Variants in IGFLR1 observed in about 807,000 individuals in gnomAD.
IGFLR1 encodes IGF like family receptor 1.
A neutral mutation model predicts 23.4 loss-of-function variants in IGFLR1; 17 were observed. That is an observed-to-expected ratio of 0.73 (90% CI 0.50 to 1.09). The LOEUF (loss-of-function observed/expected upper bound fraction) is 1.09, where lower values mean the gene tolerates loss of function less well. IGFLR1 is among the 50% of genes least tolerant of loss of function. IGFLR1 has a pLI of 0.00. For missense variants in IGFLR1, 556 were observed against 459.2 expected, an observed-to-expected ratio of 1.21 and a Z score of -1.93; for synonymous variants, 265 against 210.7, an observed-to-expected ratio of 1.26 and a Z score of -2.23.
At position 35,739,918 on chromosome 19, in the gene IGFLR1, C is replaced by G; in HGVS notation, c.513G>C (p.Leu171=). Residue 171 remains leucine, a synonymous_variant, in exon 4 of 5, where the codon CTG becomes CTC. Transcript: ENST00000246532. ...GGAGGATCGCTATCACCGCCAAGGT[C>G]AGGAGCAGGACCAGCACCACGAGCG... The part of the protein sequence containing the change: ...FLPLVVLVLL[L]TLAVIAILLF... 6.2e-7 allele frequency: 1 copy of G among 1,614,172 alleles called. No individual in the cohort carries two copies. Among genetic ancestry groups the G allele is most frequent in the East Asian group, 2.2e-5 (1 of 44,856 alleles).
Position 35,739,712 on chromosome 19 carries a change from C to T in IGFLR1, c.719G>A (p.Arg240Lys). ...CCCGGGGCTCCTCCAGGACTAACCC[C>T]TGCTCAGGAGTGGAAGTAGTGAGGC... Reference protein sequence around the residue: ...KEASLLPLLSRELSSLASQPL... With the variant: ...KEASLLPLLSKELSSLASQPL... The change falls in exon 4 of 5, where the codon AGG becomes AAG. Residue 240 changes from arginine to lysine, a missense_variant and splice_region_variant. Transcript: ENST00000246532. 1.3e-6 allele frequency: 2 copies of T among 1,553,698 alleles called. No homozygotes were observed. The highest frequency in any genetic ancestry group is 1.7e-4 in the Middle Eastern group (1 of 5,754).
In IGFLR1 at chr19:35,739,436, C is replaced by A. The variant is rs757546035; in HGVS notation, c.912G>T (p.Pro304=). 3 of 1,613,816 alleles carry A rather than the reference C, an allele frequency of 1.9e-6. No individual in the cohort carries two copies. The highest frequency in any genetic ancestry group is 2.7e-5 in the African/African-American group (2 of 74,932). Residue 304 remains proline (P), a synonymous_variant, in exon 5 of 5, where the codon CCG becomes CCT. Coordinates refer to ENST00000246532, the MANE Select transcript of IGFLR1 (RefSeq NM_024660.4). ...AWSTFAYSLR[P]SRSPLRALIE... Reference sequence around the variant, plus strand: ...TCAGAGCCCGCAGCGGCGAGCGACTCGGCCTCAGCGAATAGGCAAAGGTGG... The same window carrying A: ...TCAGAGCCCGCAGCGGCGAGCGACTAGGCCTCAGCGAATAGGCAAAGGTGG...
In IGFLR1 at chr19:35,740,083, C is replaced by T. The variant is rs1245584315; in HGVS notation, c.348G>A (p.Pro116=). 2.5e-6 allele frequency: 4 copies of T among 1,610,702 alleles called. No individual in the cohort carries two copies. The highest frequency in any genetic ancestry group is 2.5e-6 in the Non-Finnish European group (3 of 1,178,994). Residue 116 remains proline (P), a synonymous_variant, in exon 4 of 5, where the codon CCG becomes CCA. Transcript: ENST00000246532. Reference sequence around the variant, plus strand: ...GGGGGCAGTGCCCCTTGGCAGGGACCGGCCTCTGGGGATAAGGGGTTGGAG... The same window carrying T: ...GGGGGCAGTGCCCCTTGGCAGGGACTGGCCTCTGGGGATAAGGGGTTGGAG... ...GRTPWRCRER[P]VPAKGHCPLT...
chr19:35,739,691 G>C lies in IGFLR1; in HGVS notation c.721+19C>G, dbSNP rs1212869909. 6.4e-7 allele frequency: 1 copy of C among 1,560,578 alleles called. No homozygotes were observed. Among genetic ancestry groups the C allele is most frequent in the East Asian group, 2.3e-5 (1 of 44,324 alleles). ...CGTCCAGTCCACCTTCCCTGCCCCG[G>C]GGCTCCTCCAGGACTAACCCCTGCT... is the stretch of plus-strand genomic sequence containing the variant. On this transcript the variant is annotated intron_variant, in intron 4 of 4. Transcript: ENST00000246532.
Position 35,740,421 on chromosome 19 carries a change from G to C in IGFLR1, c.301C>G (p.Pro101Ala), listed in dbSNP as rs1970145313. The change falls in exon 3 of 5, where the codon CCC (proline) becomes GCC (alanine). Residue 101 changes from proline to alanine, a missense_variant. By Grantham distance (27) the Pro-to-Ala change is conservative (BLOSUM62 -1). Coordinates refer to ENST00000246532, the MANE Select transcript of IGFLR1 (RefSeq NM_024660.4). ...PCGGGAVTPTPAAGGGRTPWR... is the reference protein window; with the variant it reads ...PCGGGAVTPTAAAGGGRTPWR... ...GGGGTTCTGCCCCCGCCCGCGGCGG[G>C]AGTAGGGGTCACGGCTCCGCCGCCG... The C allele has an allele frequency of 6.2e-7, 1 of 1,610,224 alleles. No homozygotes were observed. Among genetic ancestry groups the C allele is most frequent in the Non-Finnish European group, 8.5e-7 (1 of 1,178,622 alleles).
Position 35,742,423 on chromosome 19 carries a change from C to G in IGFLR1, c.-71G>C. On this transcript the variant is annotated 5_prime_UTR_variant, in exon 1 of 5. Transcript: ENST00000246532. ...TTAGGGTCCTGGGTCCCAAGCTGGC[C>G]GTGCCAAGTTCCTCAGCTGAAGTTG... is the stretch of plus-strand genomic sequence containing the variant. The G allele has an allele frequency of 2.6e-6, 4 of 1,534,806 alleles. No individual in the cohort carries two copies. The highest frequency in any genetic ancestry group is 2.4e-5 in the South Asian group (2 of 83,284).
In IGFLR1 at chr19:35,741,903, G is replaced by C. The variant is rs151317327; in HGVS notation, c.-44+493C>G. On this transcript the variant is annotated intron_variant, in intron 1 of 4. Transcript: ENST00000246532. Reference sequence around the variant, plus strand: ...CAGGTGGGTGGATCACCTGAGGTCAGTAGTTCAAAACCAGCCTGGCCTACA... The same window carrying C: ...CAGGTGGGTGGATCACCTGAGGTCACTAGTTCAAAACCAGCCTGGCCTACA... 3.3e-3 allele frequency among the ~76,000 whole-genome samples: 502 copies of C among 152,250 alleles called. 2 individuals carry two copies. The highest frequency in any genetic ancestry group is 0.011 in the African/African-American group (475 of 41,554).
intron 1 of IGFLR1, among the ~76,000 whole-genome samples, chr19:35,741,993 T>C (rs967277130): frequency 2.0e-5 from 3 of 151,996 alleles, no homozygotes; most frequent in South Asian, 2.1e-4. Flanking sequence ...TGCCTGTAAA[T>C]CCCAGCTACT....
In IGFLR1 at chr19:35,738,991, C is replaced by A; in HGVS notation, c.*289G>T. The A allele has an allele frequency of 2.1e-6, 1 of 478,830 alleles. No homozygotes were observed. 29.7% of individuals were successfully genotyped at this position (478,830 alleles called of 1,614,324 possible). On this transcript the variant is annotated 3_prime_UTR_variant, in exon 5 of 5. Coordinates refer to ENST00000246532, the MANE Select transcript of IGFLR1 (RefSeq NM_024660.4). The surrounding 1 kb of genome is among the most constrained non-coding windows in gnomAD (Gnocchi z 8.7). ...AGCCTCAACAGGTAGGTGAGGCCAT[C>A]ATTCAGAATTAGAAGTCAGTCATGG...
intron 1 of IGFLR1, among the ~76,000 whole-genome samples, chr19:35,742,184 T>C (rs1024264281): frequency 1.3e-5 from 2 of 152,134 alleles, no homozygotes; most frequent in Non-Finnish European, 2.9e-5. Context: ...TGTAAGGCAT[T>C]ACTAACTCCC....
rs1340500458 is a variant in IGFLR1, at chr19:35,742,381, C to G, written c.-44+15G>C. The G allele has an allele frequency of 6.6e-7, 1 of 1,520,816 alleles. No individual in the cohort carries two copies. Among genetic ancestry groups the G allele is most frequent in the Admixed American group, 2.0e-5 (1 of 49,692 alleles). The allele number at this position is 1,520,816 out of a possible 1,614,324, so 94.2% of individuals were successfully genotyped here. On this transcript the variant is annotated intron_variant, in intron 1 of 4. Coordinates refer to ENST00000246532, the MANE Select transcript of IGFLR1 (RefSeq NM_024660.4). The stretch of plus-strand genomic sequence containing the variant: ...TAAGGTTTTCAGCACAAAGGTGTCC[C>G]CACCCTACCAGTACCGTTAGGGTCC...
rs968082546 is a variant in IGFLR1, at chr19:35,740,534, T to C, written c.188A>G (p.Asn63Ser). Residue 63 changes from asparagine (N) to serine (S), a missense_variant, in exon 3 of 5, where the codon AAT becomes AGT. By Grantham distance (46) the Asn-to-Ser change is conservative. Coordinates refer to ENST00000246532, the MANE Select transcript of IGFLR1 (RefSeq NM_024660.4). The part of the protein sequence containing the change: ...DYEFRENCGL[N>S]DHGDFVTPPF... ...GGGCGTTACGAAATCGCCGTGGTCA[T>C]TGAGTCCGCAGTTTTCCCGGAACTC... is the stretch of plus-strand genomic sequence containing the variant. The C allele has an allele frequency of 6.2e-7, 1 of 1,610,912 alleles. No homozygotes were observed. The highest frequency in any genetic ancestry group is 8.5e-7 in the Non-Finnish European group (1 of 1,179,000).
At chr19:35,741,247 CAGA>C (rs756338276) in intron 1 of IGFLR1, 24 bp from the exon 2 acceptor site, 48 of 1,584,392 alleles carry the variant, frequency 3.0e-5, no homozygotes, top group South Asian at 5.7e-5. Context: ...GGAAATCGGG[CAGA>C]AGAAAGGACG....
chr19:35,739,756 T>C lies in IGFLR1; in HGVS notation c.675A>G (p.Thr225=), dbSNP rs1264110460. 5.1e-6 allele frequency: 8 copies of C among 1,555,262 alleles called. No individual in the cohort carries two copies. The highest frequency in any genetic ancestry group is 7.0e-6 in the Non-Finnish European group (8 of 1,147,652). Residue 225 remains threonine, a synonymous_variant, in exon 4 of 5, where the codon ACA becomes ACG. Coordinates refer to ENST00000246532, the MANE Select transcript of IGFLR1 (RefSeq NM_024660.4). ...GTGAGGCCTCCTTCCATGTGTCCCC[T>C]GTCTCCAGGGCGCCTGGGGAGGACA... ...SHLSSPGALE[T]GDTWKEASLL... is the part of the protein sequence containing the mutation.
chr19:35,741,859 C>G (rs1440754509), intron 1 of IGFLR1, among the ~76,000 whole-genome samples: 1 of 151,776 alleles, frequency 6.6e-6, no homozygotes. Flanking sequence ...TGCCTGTAAT[C>G]CCAACACTTT....
At position 35,740,815 on chromosome 19, in the gene IGFLR1, C is replaced by T. The variant is rs1182819950; in HGVS notation, c.157+209G>A. The T allele has an allele frequency of 9.3e-6, 6 of 644,232 alleles. No homozygotes were observed. The African/African-American group carries it at 1.1e-4, about 12-fold the overall frequency. The allele number at this position is 644,232 out of a possible 1,614,324, so 39.9% of individuals were successfully genotyped here. On this transcript the variant is annotated intron_variant, in intron 2 of 4. Transcript: ENST00000246532. ...CCTTTCCACGCGGCCCCTATCCCGCCTCTCCAGCCATATCCATTCGCTGTT... is the reference window on the plus strand; with the variant it reads ...CCTTTCCACGCGGCCCCTATCCCGCTTCTCCAGCCATATCCATTCGCTGTT...
chr19:35,740,591 G>T, intron 2 of IGFLR1, 27 bp from the exon 3 acceptor site: 1 of 1,577,002 alleles, frequency 6.3e-7, no homozygotes, highest in Non-Finnish European at 8.6e-7. Context: ...GCTCCAGTGC[G>T]GCCGCCTAGC....
chr19:35,741,080 G>A lies in IGFLR1; in HGVS notation c.101C>T (p.Pro34Leu). The A allele has an allele frequency of 6.2e-7, 1 of 1,606,944 alleles. No individual in the cohort carries two copies. Among genetic ancestry groups the A allele is most frequent in the Non-Finnish European group, 8.5e-7 (1 of 1,175,698 alleles). ...QYCGRLEYWN[P>L]DNKCCSSCLQ... ...GCAGCTGCTGCAGCACTTGTTGTCTGGGTTCCAGTATTCAAGGCGGCCGCA... is the reference window on the plus strand; with the variant it reads ...GCAGCTGCTGCAGCACTTGTTGTCTAGGTTCCAGTATTCAAGGCGGCCGCA... The change falls in exon 2 of 5, where the codon CCA becomes CTA. Residue 34 changes from proline to leucine, a missense_variant. Pro to Leu is a moderately conservative substitution (Grantham distance 98, BLOSUM62 -3). Coordinates refer to ENST00000246532, the MANE Select transcript of IGFLR1 (RefSeq NM_024660.4).
rs974889814 is a variant in IGFLR1 at position 35,739,039 on chromosome 19, A to G, written c.*241T>C. 3.3e-4 allele frequency: 187 copies of G among 560,360 alleles called. 2 individuals carry two copies. In the South Asian group the frequency reaches 4.4e-3, roughly 13 times the overall value. 34.7% of individuals were successfully genotyped at this position (560,360 alleles called of 1,614,324 possible). A position where few individuals can be genotyped will look rare whatever the true frequency, so the allele number is the denominator to read the frequency against. On this transcript the variant is annotated 3_prime_UTR_variant, in exon 5 of 5. Transcript: ENST00000246532. ...TGGGGTCTGTTACGGCTTCAGAACAACACAACACAGCAACTGTCTGTAGCA... is the reference window on the plus strand; with the variant it reads ...TGGGGTCTGTTACGGCTTCAGAACAGCACAACACAGCAACTGTCTGTAGCA...
Sources: allele counts gnomAD v4.1 joint callset (sites outside exome capture counted in the v4.1 genomes callset), GRCh38; gene constraint gnomAD v4.1.1; non-coding constraint Gnocchi (gnomAD v3.1); transcripts MANE v1.5; gene names NCBI Gene and HGNC (gene_info 2026-07-23, HGNC 2026-07-21).